The following ST6GALNAC6 variants were observed in gnomAD, a reference collection of about 807,000 sequenced individuals.
The protein encoded by ST6GALNAC6 is alpha-N-acetylgalactosaminide alpha-2,6-sialyltransferase 6.
A neutral mutation model predicts 34.3 loss-of-function variants in ST6GALNAC6; 19 were observed. The ratio of observed to expected loss-of-function variants is 0.55; its 90% CI spans 0.39 to 0.81. The LOEUF is 0.81. Ranked by LOEUF, ST6GALNAC6 falls within the 40% of genes least tolerant of loss-of-function variation. ST6GALNAC6 has a pLI of 0.00. For synonymous variants in ST6GALNAC6, 185 were observed against 182.1 expected (o/e 1.02, Z -0.13); for missense variants, 377 against 467.7 (o/e 0.81, Z 1.79).
At position 127,899,523 on chromosome 9, in the gene ST6GALNAC6, C is replaced by T; in HGVS notation, c.-50G>A. ...CTCACCTCCGGCGGGGAGCGCCCGG[C>T]CCCCCGCGGCCCCCGAGCCCCCTCA... On this transcript the variant is annotated 5_prime_UTR_variant, in exon 1 of 7. Coordinates refer to ENST00000373146, the MANE Select transcript of ST6GALNAC6 (RefSeq NM_013443.5). The T allele has an allele frequency of 6.1e-6, 6 of 980,398 alleles. No homozygotes were observed. The highest frequency in any genetic ancestry group is 1.8e-5 in the African/African-American group (1 of 56,846). 60.7% of individuals were successfully genotyped at this position (980,398 alleles called of 1,614,324 possible). A position where few individuals can be genotyped will look rare whatever the true frequency, so the allele number is the denominator to read the frequency against.
At position 127,887,489 on chromosome 9, in the gene ST6GALNAC6, G is replaced by A. The variant is rs764927502; in HGVS notation, c.807C>T (p.Tyr269=). Residue 269 remains tyrosine (Y), a synonymous_variant, in exon 6 of 7, where the codon TAC becomes TAT. Transcript: ENST00000373146. ...VHVYGMVPPN[Y]CSQRPRLQRM... ...CGCTGGCAAGGAGGGCTCACCTGCA[G>A]TAGTTGGGGGGGACCATGCCATAGA... is the stretch of plus-strand genomic sequence containing the variant. 2.5e-6 allele frequency: 4 copies of A among 1,611,252 alleles called. No individual in the cohort carries two copies. Among genetic ancestry groups the A allele is most frequent in the Non-Finnish European group, 2.5e-6 (3 of 1,178,516 alleles).
chr9:127,896,456 A>G, intron 2 of ST6GALNAC6, 124 bp from the exon 3 acceptor site: 1 of 806,224 alleles, frequency 1.2e-6, no homozygotes, highest in Non-Finnish European at 1.9e-6. Flanking sequence ...TCAGGACTGT[A>G]TCCCTTTTGC....
At chr9:127,900,480 A>T (rs1465750179), upstream of ST6GALNAC6, among the ~76,000 whole-genome samples, 6 of 147,940 alleles carry the variant, frequency 4.1e-5, no homozygotes, top group Non-Finnish European at 8.9e-5. Context: ...GAATCGCTTG[A>T]ACCTGGGAGG....
chr9:127,904,591 C>T (rs1315648453), upstream of ST6GALNAC6: 1 of 152,306 alleles, frequency 6.6e-6, no homozygotes, highest in African/African-American at 2.4e-5. Context: ...GAGAATAGAA[C>T]TTGCCCAAGA....
intron 2 of ST6GALNAC6, 49 bp downstream of exon 2, chr9:127,897,907 T>C: frequency 6.2e-7 from 1 of 1,613,466 alleles, no homozygotes; most frequent in African/African-American, 1.3e-5. Context: ...AAGGCCATGG[T>C]CAGTACAGCA....
intron 5 of ST6GALNAC6, among the ~76,000 whole-genome samples, chr9:127,887,805 C>T (rs574431320): frequency 6.6e-6 from 1 of 152,270 alleles, no homozygotes; most frequent in Admixed American, 6.5e-5. Flanking sequence ...GGAGGGAGCT[C>T]CTTTGAGGGG....
chr9:127,891,208 T>C (rs749788268), intron 4 of ST6GALNAC6, among the ~76,000 whole-genome samples, 165 bp from the exon 5 acceptor site: 1 of 152,158 alleles, frequency 6.6e-6, no homozygotes, highest in Non-Finnish European at 1.5e-5. Flanking sequence ...AGCTGGTTAA[T>C]GGCCAAGTCC....
At position 127,894,640 on chromosome 9, in the gene ST6GALNAC6, T is replaced by A. The variant is rs748224340; in HGVS notation, c.169A>T (p.Ile57Phe). The change falls in exon 4 of 7, where the codon ATC becomes TTC. Residue 57 changes from isoleucine (I) to phenylalanine (F), a missense_variant. By Grantham distance (21) the Ile-to-Phe change is conservative. Coordinates refer to ENST00000373146, the MANE Select transcript of ST6GALNAC6 (RefSeq NM_013443.5). ...VILFALITIL[I>F]LYSSNSANEV... is the part of the protein sequence containing the mutation. ...TTGGCACTGTTGGAGCTGTAGAGGATGAGGATGGTGATGAGGGCAAAGAGG... is the reference window on the plus strand; with the variant it reads ...TTGGCACTGTTGGAGCTGTAGAGGAAGAGGATGGTGATGAGGGCAAAGAGG... The A allele has an allele frequency of 2.9e-5, 47 of 1,614,122 alleles. No individual in the cohort carries two copies. Among genetic ancestry groups the A allele is most frequent in the Non-Finnish European group, 3.8e-5 (45 of 1,180,016 alleles).
At chr9:127,887,429 C>T in intron 6 of ST6GALNAC6, 55 bp downstream of exon 6, 1 of 1,478,944 alleles carries the variant, frequency 6.8e-7, no homozygotes, top group Non-Finnish European at 9.3e-7. Flanking sequence ...AGAGCTCCAT[C>T]CTGCGGCCAG....
intron 4 of ST6GALNAC6, among the ~76,000 whole-genome samples, chr9:127,892,327 C>T (rs372176532): frequency 2.6e-5 from 4 of 152,124 alleles, no homozygotes; most frequent in African/African-American, 9.7e-5. Flanking sequence ...TGATAACAGC[C>T]GCTTCCCAAA....
At chr9:127,895,076 G>C (rs1830372243) in intron 3 of ST6GALNAC6, among the ~76,000 whole-genome samples, 1 of 152,224 alleles carries the variant, frequency 6.6e-6, no homozygotes, top group South Asian at 2.1e-4. Context: ...ATCTGAGTGA[G>C]AGGGTCTAGG....
upstream of ST6GALNAC6, among the ~76,000 whole-genome samples, chr9:127,901,437 A>G (rs1830756087): frequency 6.6e-6 from 1 of 151,304 alleles, no homozygotes; most frequent in Non-Finnish European, 1.5e-5. Flanking sequence ...TAAAAATACA[A>G]ATAAATTAGC....
chr9:127,898,288 G>C (rs1378002140), intron 1 of ST6GALNAC6, among the ~76,000 whole-genome samples: 2 of 152,214 alleles, frequency 1.3e-5, no homozygotes, highest in Non-Finnish European at 1.5e-5. Flanking sequence ...AGCTACTCCG[G>C]AGGCTGAGGC....
At chr9:127,897,353 C>G in intron 2 of ST6GALNAC6, 2 of 986,046 alleles carry the variant, frequency 2.0e-6, no homozygotes, top group Non-Finnish European at 2.4e-6. Flanking sequence ...TTCCTGTATT[C>G]TCTGAGCCCT....
At chr9:127,891,138 C>G in intron 4 of ST6GALNAC6, 95 bp from the exon 5 acceptor site, 2 of 1,409,438 alleles carry the variant, frequency 1.4e-6, no homozygotes, top group Non-Finnish European at 1.9e-6. Flanking sequence ...ATTGTTATGC[C>G]CATTTTAAAG....
intron 5 of ST6GALNAC6, among the ~76,000 whole-genome samples, chr9:127,888,364 C>A (rs1005965819): frequency 1.3e-5 from 2 of 151,396 alleles, no homozygotes; most frequent in African/African-American, 4.9e-5. Context: ...ATTAGCCAGG[C>A]ATGGTGGCAC....
chr9:127,888,157 C>A, intron 5 of ST6GALNAC6, among the ~76,000 whole-genome samples: 1 of 152,110 alleles, frequency 6.6e-6, no homozygotes, highest in Non-Finnish European at 1.5e-5. Flanking sequence ...TACCTGTAAT[C>A]CCAGGACTTC....
In ST6GALNAC6 at chr9:127,890,824, T is replaced by A; in HGVS notation, c.517A>T (p.Asn173Tyr). 1.2e-6 allele frequency: 2 copies of A among 1,613,940 alleles called. No homozygotes were observed. The highest frequency in any genetic ancestry group is 2.2e-5 in the South Asian group (2 of 91,082). ...RVLRRPQEFV[N>Y]RTPETVFIFW... ...ATGAACACGGTTTCAGGGGTCCGGT[T>A]GACAAACTCCTGGGGCCTCCTCAGC... is the stretch of plus-strand genomic sequence containing the variant. The change falls in exon 5 of 7, where the codon AAC becomes TAC. Residue 173 changes from asparagine (N) to tyrosine (Y), a missense_variant. Coordinates refer to ENST00000373146, the MANE Select transcript of ST6GALNAC6 (RefSeq NM_013443.5). This position sits in a 1 kb window ranked among gnomAD's most constrained non-coding sequence, Gnocchi z 4.3.
Position 127,886,342 on chromosome 9 carries a change from C to T in ST6GALNAC6, c.*257G>A. On this transcript the variant is annotated 3_prime_UTR_variant, in exon 7 of 7. Coordinates refer to ENST00000373146, the MANE Select transcript of ST6GALNAC6 (RefSeq NM_013443.5). ...TCAGATTGACTCAGAAATACCCCCT[C>T]TACCCTGATTGACTGTGCGCAGACC... 1 of 1,087,850 alleles carries T rather than the reference C, an allele frequency of 9.2e-7. No individual in the cohort carries two copies. The highest frequency in any genetic ancestry group is 1.3e-6 in the Non-Finnish European group (1 of 788,386). 67.4% of individuals were successfully genotyped at this position (1,087,850 alleles called of 1,614,324 possible).
Sources: allele counts gnomAD v4.1 joint callset (sites outside exome capture counted in the v4.1 genomes callset), GRCh38; gene constraint gnomAD v4.1.1; non-coding constraint Gnocchi (gnomAD v3.1); transcripts MANE v1.5; gene names NCBI Gene and HGNC (gene_info 2026-07-23, HGNC 2026-07-21).